The following TRIQK variants were observed in gnomAD, a reference collection of about 807,000 sequenced individuals.
TRIQK encodes the protein triple QxxK/R motif containing.
TRIQK carries 10 observed loss-of-function variants against 10.8 expected under a neutral mutation model. The ratio of observed to expected loss-of-function variants is 0.92; its 90% CI spans 0.57 to 1.57. TRIQK has a LOEUF of 1.57. Ranked by LOEUF, TRIQK falls within the 40% of genes most tolerant of loss-of-function variation. The pLI, the probability that TRIQK is intolerant of heterozygous loss-of-function variation, is 0.00. For missense variants in TRIQK, 107 were observed against 97.7 expected, an observed-to-expected ratio of 1.09 and a Z score of -0.40; for synonymous variants, 33 against 33.7, an observed-to-expected ratio of 0.98 and a Z score of 0.07.
At chr8:92,946,294 C>T (rs1811529269) in intron 2 of TRIQK, among the ~76,000 whole-genome samples, 1 of 152,066 alleles carries the variant, frequency 6.6e-6, no homozygotes, top group African/African-American at 2.4e-5. Flanking sequence ...GAAAGAAAAA[C>T]AAGCCAGAGC....
intron 1 of TRIQK, among the ~76,000 whole-genome samples, chr8:92,957,851 G>A (rs138599500): frequency 9.2e-5 from 14 of 151,914 alleles, no homozygotes; most frequent in Middle Eastern, 3.4e-3. Context: ...TACCTACCAC[G>A]TAAGTTCCTA....
chr8:92,929,067 T>C (rs1810582090), intron 2 of TRIQK, among the ~76,000 whole-genome samples: 1 of 152,146 alleles, frequency 6.6e-6, no homozygotes, highest in Non-Finnish European at 1.5e-5. Context: ...GAGGAAAAAC[T>C]GAAGATGACA....
chr8:92,992,304 G>C (rs1390024972), intron 1 of TRIQK, among the ~76,000 whole-genome samples: 1 of 152,176 alleles, frequency 6.6e-6, no homozygotes, highest in African/African-American at 2.4e-5. Context: ...CTGCTCCTGA[G>C]GGAGAGGTAG....
intron 1 of TRIQK, among the ~76,000 whole-genome samples, chr8:92,971,798 T>C (rs1453818570): frequency 6.6e-6 from 1 of 152,202 alleles, no homozygotes; most frequent in African/African-American, 2.4e-5. Context: ...AGAAAACTAC[T>C]GTAAAGTTTA....
chr8:92,889,824 G>C (rs1352267981), intron 4 of TRIQK, among the ~76,000 whole-genome samples: 1 of 151,678 alleles, frequency 6.6e-6, no homozygotes, highest in Non-Finnish European at 1.5e-5. Flanking sequence ...AAGAGGCAAA[G>C]GGGATAGGAT....
At chr8:92,989,870 T>A (rs1046930143) in intron 1 of TRIQK, among the ~76,000 whole-genome samples, 3 of 152,016 alleles carry the variant, frequency 2.0e-5, no homozygotes, top group African/African-American at 7.3e-5. Flanking sequence ...ATTGACACAT[T>A]TGACTACGTA....
At chr8:92,904,378 G>C (rs562372189) in intron 3 of TRIQK, among the ~76,000 whole-genome samples, 3 of 152,258 alleles carry the variant, frequency 2.0e-5, no homozygotes, top group Non-Finnish European at 2.9e-5. Flanking sequence ...GGGAATTTCA[G>C]AGGTTGACTA....
intron 4 of TRIQK, among the ~76,000 whole-genome samples, chr8:92,891,005 T>C (rs1253463098): frequency 1.3e-5 from 2 of 151,766 alleles, no homozygotes; most frequent in African/African-American, 2.4e-5. Flanking sequence ...TTTTTTTCAA[T>C]AAAAACTGAC....
intron 1 of TRIQK, among the ~76,000 whole-genome samples, chr8:92,972,151 C>A (rs1812883305): frequency 6.6e-6 from 1 of 151,838 alleles, no homozygotes; most frequent in Non-Finnish European, 1.5e-5. Context: ...GCTATCTATG[C>A]CTTTATAGCT....
At chr8:92,928,229 A>G (rs984475138) in intron 2 of TRIQK, among the ~76,000 whole-genome samples, 7 of 152,196 alleles carry the variant, frequency 4.6e-5, no homozygotes, top group African/African-American at 1.7e-4. Flanking sequence ...AATGTGTAGT[A>G]TCTTGAACTA....
chr8:92,883,670 A>T lies in TRIQK; in HGVS notation c.*2952T>A, dbSNP rs1816322256. The T allele has an allele frequency of 6.6e-6, 1 of 151,766 alleles. No homozygotes were observed. Among genetic ancestry groups the T allele is most frequent in the African/African-American group, 2.4e-5 (1 of 41,352 alleles). 9.4% of individuals were successfully genotyped at this position (151,766 alleles called of 1,614,324 possible). ...ACATGCATTTATTAAATTTATATGC[A>T]GATGACTACACTACTGCAATTACAG... On this transcript the variant is annotated 3_prime_UTR_variant, in exon 5 of 5. Transcript: ENST00000521988.
At chr8:92,992,574 A>G (rs146912298) in intron 1 of TRIQK, among the ~76,000 whole-genome samples, 48 of 152,326 alleles carry the variant, frequency 3.2e-4, no homozygotes, top group African/African-American at 1.1e-3. Flanking sequence ...GAGATGACAC[A>G]GTTTGGCTGC....
chr8:92,909,250 C>T (rs1337903862), intron 3 of TRIQK, among the ~76,000 whole-genome samples: 2 of 151,750 alleles, frequency 1.3e-5, no homozygotes, highest in Non-Finnish European at 3.0e-5. Flanking sequence ...AAACATTAAC[C>T]AATCAAATTG....
intron 3 of TRIQK, among the ~76,000 whole-genome samples, chr8:92,907,533 C>T: frequency 6.6e-6 from 1 of 152,032 alleles, no homozygotes; most frequent in Non-Finnish European, 1.5e-5. Flanking sequence ...TAACTAAAAG[C>T]AAAGTCGTTA....
chr8:92,940,097 A>C (rs1222329952), intron 2 of TRIQK, among the ~76,000 whole-genome samples: 2 of 152,142 alleles, frequency 1.3e-5, no homozygotes, highest in Non-Finnish European at 2.9e-5. Flanking sequence ...ATCACAGCGA[A>C]GGTAGTGGCC....
rs1459979746 is a variant in TRIQK at position 92,884,691 on chromosome 8, C to A, written c.*1931G>T. The A allele has an allele frequency of 2.7e-6, 1 of 373,312 alleles. No individual in the cohort carries two copies. The highest frequency in any genetic ancestry group is 5.3e-6 in the Non-Finnish European group (1 of 187,718). 23.1% of individuals were successfully genotyped at this position (373,312 alleles called of 1,614,324 possible). A position where few individuals can be genotyped will look rare whatever the true frequency, so the allele number is the denominator to read the frequency against. ...AAGTACTGTAAACTCTGTTATATTT[C>A]ATTTGGATAAGTATCTAATAAGCAA... On this transcript the variant is annotated 3_prime_UTR_variant, in exon 5 of 5. Coordinates refer to ENST00000521988, the MANE Select transcript of TRIQK (RefSeq NM_001171797.2).
intron 2 of TRIQK, among the ~76,000 whole-genome samples, chr8:92,930,684 C>T (rs781518287): frequency 3.2e-4 from 48 of 152,128 alleles, no homozygotes; most frequent in Middle Eastern, 3.4e-3. Flanking sequence ...GACTATTACC[C>T]GACAAACCTT....
intron 2 of TRIQK, chr8:92,922,745 T>C (rs1425634159): frequency 6.6e-6 from 1 of 151,828 alleles, no homozygotes; most frequent in Non-Finnish European, 1.5e-5. Context: ...GAGGGGCCTA[T>C]GCTTTATGAA....
At chr8:92,973,852 T>A (rs1312687938) in intron 1 of TRIQK, 1 of 152,370 alleles carries the variant, frequency 6.6e-6, no homozygotes, top group East Asian at 1.9e-4. Context: ...CACCACTGTA[T>A]GTGAGTCTGG....
Sources: gnomAD v4.1 joint callset for allele counts (sites outside exome capture counted in the v4.1 genomes callset) on GRCh38, gnomAD v4.1.1 for gene constraint, MANE v1.5 for transcripts, NCBI Gene and HGNC (gene_info 2026-07-23, HGNC 2026-07-21) for gene names.